Variants in TP53BP1 observed in about 807,000 individuals in gnomAD.
TP53BP1 encodes tumor protein p53 binding protein 1.
A neutral mutation model predicts 200.8 loss-of-function variants in TP53BP1; 61 were observed. That is an observed-to-expected ratio of 0.30 (90% confidence interval 0.25 to 0.38). TP53BP1 has a LOEUF of 0.38. Ranked by LOEUF, TP53BP1 falls within the 10% of genes least tolerant of loss-of-function variation. The pLI is 1.00. For missense variants in TP53BP1, 2,144 were observed against 2,371.9 expected (o/e 0.90, Z 2.00); for synonymous variants, 822 against 844.3 (o/e 0.97, Z 0.46).
intron 12 of TP53BP1, among the ~76,000 whole-genome samples, chr15:43,451,412 T>A (rs1488789704): frequency 6.7e-6 from 1 of 149,296 alleles, no homozygotes; most frequent in African/African-American, 2.5e-5. Flanking sequence ...TCTATTCCCA[T>A]CTATGAGTGA....
rs145249471 is a variant in TP53BP1, at chr15:43,407,536, C to G, written c.5781G>C (p.Thr1927=). The change falls in exon 28 of 28, where the codon ACG becomes ACC. Residue 1927 remains threonine (T), a synonymous_variant. Coordinates refer to ENST00000382044, the MANE Select transcript of TP53BP1 (RefSeq NM_001141980.3). The stretch of plus-strand genomic sequence containing the variant: ...GCACCGAGGCTGGGCATGAGGGGTC[C>G]GTCACCACCACATCAAATACCCCTA... ...IALGVFDVVV[T]DPSCPASVLK... 1 of 1,613,940 alleles carries G rather than the reference C, an allele frequency of 6.2e-7. No homozygotes were observed. Among genetic ancestry groups the G allele is most frequent in the African/African-American group, 1.3e-5 (1 of 74,916 alleles).
chr15:43,412,584 A>G, intron 24 of TP53BP1: 1 of 435,802 alleles, frequency 2.3e-6, no homozygotes, highest in Admixed American at 2.9e-5. Context: ...AAGAGTTGAA[A>G]AGGCCTAGAA....
At chr15:43,463,829 T>A (rs1265621599) in intron 11 of TP53BP1, among the ~76,000 whole-genome samples, 2 of 152,168 alleles carry the variant, frequency 1.3e-5, no homozygotes, top group East Asian at 1.9e-4. Flanking sequence ...AGAGGCACAG[T>A]TATCAGGAAG....
intron 11 of TP53BP1, among the ~76,000 whole-genome samples, chr15:43,467,942 C>T (rs779794028): frequency 7.2e-5 from 11 of 152,068 alleles, no homozygotes; most frequent in Non-Finnish European, 1.3e-4. Flanking sequence ...TGCCAGCATG[C>T]CTGGCTAATT....
Position 43,491,675 on chromosome 15 carries a change from G to T in TP53BP1, c.365C>A (p.Thr122Lys). 1 of 1,611,966 alleles carries T rather than the reference G, an allele frequency of 6.2e-7. No individual in the cohort carries two copies. Among genetic ancestry groups the T allele is most frequent in the Non-Finnish European group, 8.5e-7 (1 of 1,178,096 alleles). The change falls in exon 4 of 28, where the codon ACA becomes AAA. Residue 122 changes from threonine (T) to lysine (K), a missense_variant. Coordinates refer to ENST00000382044, the MANE Select transcript of TP53BP1 (RefSeq NM_001141980.3). Reference protein sequence around the residue: ...VIEQLPQPNRTSSVLGMSVES... With the variant: ...VIEQLPQPNRKSSVLGMSVES... ...CCCTTCAAACACTGTATACCTGCTT[G>T]TCCTGTTTGGCTGAGGTAACTGCTC...
chr15:43,467,060 CTT>C (rs71307480), intron 11 of TP53BP1, among the ~76,000 whole-genome samples: 1 of 145,904 alleles, frequency 6.9e-6, no homozygotes, highest in Admixed American at 6.9e-5. Flanking sequence ...TAAAGGTATT[CTT>C]TTTTTTTTTT....
At chr15:43,465,341 A>G (rs1032831307) in intron 11 of TP53BP1, among the ~76,000 whole-genome samples, 3 of 152,148 alleles carry the variant, frequency 2.0e-5, no homozygotes, top group African/African-American at 7.2e-5. Flanking sequence ...GAATATACTA[A>G]AAACCACTGG....
At chr15:43,499,236 A>T (rs1400065042) in intron 1 of TP53BP1, among the ~76,000 whole-genome samples, 1 of 152,106 alleles carries the variant, frequency 6.6e-6, no homozygotes. Flanking sequence ...ACGTACAAAG[A>T]AGGGAACAAC....
intron 17 of TP53BP1, 112 bp from the exon 18 acceptor site, chr15:43,428,280 C>A: frequency 1.1e-6 from 1 of 908,684 alleles, no homozygotes; most frequent in Non-Finnish European, 1.7e-6. Flanking sequence ...TCTAGTGTGA[C>A]AGAATCTTCC....
At chr15:43,479,360 CA>C in intron 7 of TP53BP1, 36 bp downstream of exon 7, 1 of 1,564,880 alleles carries the variant, frequency 6.4e-7, no homozygotes, top group South Asian at 1.2e-5. Context: ...AACCCTACAG[CA>C]AAACTCGTAA....
intron 13 of TP53BP1, 89 bp from the exon 14 acceptor site, chr15:43,446,679 T>G (rs2046049776): frequency 6.4e-7 from 1 of 1,564,896 alleles, no homozygotes; most frequent in South Asian, 1.2e-5. Context: ...ATTTGCCTGT[T>G]TGGCTCCACA....
At chr15:43,491,945 G>A (rs2079129700) in intron 3 of TP53BP1, 57 bp downstream of exon 3, 20 of 1,342,948 alleles carry the variant, frequency 1.5e-5, no homozygotes, top group Non-Finnish European at 2.1e-5. Flanking sequence ...AATCCACCCA[G>A]CACCAACAAG....
Position 43,487,654 on chromosome 15 carries a change from G to A in TP53BP1, c.371+4015C>T, listed in dbSNP as rs536715325. On this transcript the variant is annotated intron_variant, in intron 4 of 27. Coordinates refer to ENST00000382044, the MANE Select transcript of TP53BP1 (RefSeq NM_001141980.3). Reference sequence around the variant, plus strand: ...CTAAAAATACAAAAATTAGCCAGGCGTGATGGTGCACGGCTGTAGTCCCAG... The same window carrying A: ...CTAAAAATACAAAAATTAGCCAGGCATGATGGTGCACGGCTGTAGTCCCAG... Among the ~76,000 whole-genome samples the A allele has an allele frequency of 3.9e-5, 6 of 152,108 alleles. No homozygotes were observed. The East Asian group carries it at 5.8e-4, about 15-fold the overall frequency.
chr15:43,450,328 T>C (rs2046137721), intron 12 of TP53BP1, among the ~76,000 whole-genome samples: 1 of 152,252 alleles, frequency 6.6e-6, no homozygotes, highest in Non-Finnish European at 1.5e-5. Flanking sequence ...AAGAACTGGT[T>C]ACCCCTAAGA....
At chr15:43,444,013 G>C (rs1566937164) in intron 14 of TP53BP1, among the ~76,000 whole-genome samples, 2 of 152,222 alleles carry the variant, frequency 1.3e-5, no homozygotes, top group Non-Finnish European at 2.9e-5. Context: ...GTCCAACCTA[G>C]GAGTAAACTA....
intron 10 of TP53BP1, among the ~76,000 whole-genome samples, chr15:43,474,311 C>A (rs1334152762): frequency 6.6e-6 from 1 of 152,170 alleles, no homozygotes; most frequent in African/African-American, 2.4e-5. Flanking sequence ...CTTGGCCAGC[C>A]CAGAAAGGGG....
At chr15:43,422,634 T>C (rs1211461128) in intron 18 of TP53BP1, among the ~76,000 whole-genome samples, 1 of 152,190 alleles carries the variant, frequency 6.6e-6, no homozygotes, top group Non-Finnish European at 1.5e-5. Flanking sequence ...TTACATGTTT[T>C]GACATTGGTT....
intron 16 of TP53BP1, 132 bp downstream of exon 16, chr15:43,438,192 C>A (rs1384332530): frequency 1.5e-6 from 1 of 670,114 alleles, no homozygotes; most frequent in Non-Finnish European, 2.5e-6. Context: ...TACCTCTCAA[C>A]ACTGTTGCAC....
chr15:43,435,888 G>A lies in TP53BP1; in HGVS notation c.3191+2436C>T, dbSNP rs570375452. Among the ~76,000 whole-genome samples, 14 of 152,048 alleles carry A rather than the reference G, an allele frequency of 9.2e-5. No homozygotes were observed. In the South Asian group the frequency reaches 1.2e-3, roughly 14 times the overall value. On this transcript the variant is annotated intron_variant, in intron 16 of 27. Coordinates refer to ENST00000382044, the MANE Select transcript of TP53BP1 (RefSeq NM_001141980.3). ...TTTTTGTATTTTTAGTAGAGACAGC[G>A]TTTTACCATGTTGGCCAGGCTGGTC... is the stretch of plus-strand genomic sequence containing the variant.
Sources: allele counts gnomAD v4.1 joint callset (sites outside exome capture counted in the v4.1 genomes callset), GRCh38; gene constraint gnomAD v4.1.1; transcripts MANE v1.5; gene names NCBI Gene and HGNC (gene_info 2026-07-23, HGNC 2026-07-21).